Variants in SND1 observed in about 807,000 individuals in gnomAD.
The protein encoded by SND1 is staphylococcal nuclease and tudor domain containing 1.
In SND1, 38 loss-of-function variants were observed where a neutral mutation model predicts 121.7. The observed-to-expected ratio is 0.31, with a 90% CI of 0.24 to 0.41. The LOEUF (loss-of-function observed/expected upper bound fraction) is 0.41, where lower values mean the gene tolerates loss of function less well. SND1 is among the 10% of genes least tolerant of loss of function. The pLI, the probability that SND1 is intolerant of heterozygous loss-of-function variation, is 1.00. For missense variants in SND1, 868 were observed against 1,184.6 expected (o/e 0.73, Z 3.92); for synonymous variants, 401 against 447.4 (o/e 0.90, Z 1.31).
intron 11 of SND1, among the ~76,000 whole-genome samples, chr7:127,815,005 A>G (rs1369060737): frequency 6.6e-6 from 1 of 152,186 alleles, no homozygotes; most frequent in Non-Finnish European, 1.5e-5. Context: ...CTTATGTGAA[A>G]GAAATTATTT....
chr7:128,009,806 C>T (rs1212468748), intron 16 of SND1, among the ~76,000 whole-genome samples: 1 of 150,738 alleles, frequency 6.6e-6, no homozygotes, highest in Non-Finnish European at 1.5e-5. Flanking sequence ...ATCTCTCATG[C>T]TCTTGACACA....
At chr7:127,686,909 G>A (rs1795823437) in intron 2 of SND1, 147 bp downstream of exon 2, 7 of 864,932 alleles carry the variant, frequency 8.1e-6, no homozygotes, top group South Asian at 1.8e-5. Flanking sequence ...GTGCCCACAA[G>A]CAGCTTGTAT....
intron 15 of SND1, among the ~76,000 whole-genome samples, chr7:127,984,237 G>C (rs1369870942): frequency 2.0e-5 from 3 of 152,290 alleles, no homozygotes; most frequent in African/African-American, 7.2e-5. Context: ...TTTCTGCTAT[G>C]CTCCAGCCTC....
chr7:127,727,447 T>C (rs1175603648), intron 10 of SND1, among the ~76,000 whole-genome samples: 1 of 152,186 alleles, frequency 6.6e-6, no homozygotes, highest in Non-Finnish European at 1.5e-5. Flanking sequence ...GCAAAATGAC[T>C]GGTCCCTCTG....
intron 16 of SND1, chr7:128,030,594 G>A (rs1352263294): frequency 1.9e-6 from 3 of 1,596,154 alleles, no homozygotes; most frequent in Non-Finnish European, 2.6e-6. Context: ...GAGCAGGATG[G>A]CATTCCAGGT....
intron 11 of SND1, among the ~76,000 whole-genome samples, chr7:127,842,229 G>A: frequency 6.6e-6 from 1 of 152,104 alleles, no homozygotes; most frequent in South Asian, 2.1e-4. Context: ...TTTAGAAAAG[G>A]GATTCCAGAC....
At chr7:128,066,205 T>C (rs1793311214) in intron 16 of SND1, among the ~76,000 whole-genome samples, 1 of 151,952 alleles carries the variant, frequency 6.6e-6, no homozygotes, top group African/African-American at 2.4e-5. Flanking sequence ...CCCTCATCCC[T>C]GAGGTAGGGA....
At chr7:127,792,213 G>A (rs2116543412) in intron 10 of SND1, among the ~76,000 whole-genome samples, 1 of 152,160 alleles carries the variant, frequency 6.6e-6, no homozygotes, top group Admixed American at 6.5e-5. Context: ...TTTTTTATTG[G>A]ATCTTTTGTG....
At chr7:128,076,806 A>C (rs1367607377) in intron 17 of SND1, among the ~76,000 whole-genome samples, 1 of 152,220 alleles carries the variant, frequency 6.6e-6, no homozygotes, top group African/African-American at 2.4e-5. Flanking sequence ...TTGTGTGTGC[A>C]TGCATTCGTG....
At chr7:127,962,286 A>G (rs528291209) in intron 15 of SND1, among the ~76,000 whole-genome samples, 1 of 152,312 alleles carries the variant, frequency 6.6e-6, no homozygotes, top group Admixed American at 6.5e-5. Flanking sequence ...CTGCAAATCA[A>G]ACAGAGGAGT....
At chr7:128,038,370 G>A (rs1478579633) in intron 16 of SND1, among the ~76,000 whole-genome samples, 2 of 152,188 alleles carry the variant, frequency 1.3e-5, no homozygotes, top group South Asian at 2.1e-4. Flanking sequence ...CTTACATACC[G>A]CGTATATATA....
intron 16 of SND1, among the ~76,000 whole-genome samples, chr7:128,055,419 G>A (rs539968881): frequency 2.3e-4 from 35 of 152,138 alleles, no homozygotes; most frequent in Non-Finnish European, 4.9e-4. Flanking sequence ...CAGCAGGGGA[G>A]GAAGGAAATG....
At chr7:127,782,853 T>C (rs1797747087) in intron 10 of SND1, among the ~76,000 whole-genome samples, 1 of 152,214 alleles carries the variant, frequency 6.6e-6, no homozygotes, top group Non-Finnish European at 1.5e-5. Flanking sequence ...TTTCAACTGC[T>C]GTATGTGTAT....
At chr7:127,671,529 C>G (rs1795517883) in intron 1 of SND1, among the ~76,000 whole-genome samples, 1 of 152,118 alleles carries the variant, frequency 6.6e-6, no homozygotes, top group Non-Finnish European at 1.5e-5. Context: ...TGGAGTCTTG[C>G]TATGTTGCCC....
chr7:127,811,047 T>C (rs1316090265), intron 11 of SND1, among the ~76,000 whole-genome samples: 3 of 152,228 alleles, frequency 2.0e-5, no homozygotes, highest in African/African-American at 7.2e-5. Context: ...TGAAAATATA[T>C]GCCTATTGCT....
chr7:127,869,117 G>A (rs1040341637), intron 12 of SND1, among the ~76,000 whole-genome samples: 7 of 152,180 alleles, frequency 4.6e-5, no homozygotes, highest in Non-Finnish European at 1.0e-4. Context: ...AAATTTTTTA[G>A]TAGGGAAGCC....
chr7:127,820,675 G>T (rs1218111772), intron 11 of SND1, among the ~76,000 whole-genome samples: 5 of 151,714 alleles, frequency 3.3e-5, no homozygotes, highest in African/African-American at 1.2e-4. Flanking sequence ...ATTTTCTTTT[G>T]TCCCTCTCTA....
chr7:127,726,497 A>G (rs975220011), intron 10 of SND1, among the ~76,000 whole-genome samples: 3 of 152,220 alleles, frequency 2.0e-5, no homozygotes, highest in Non-Finnish European at 4.4e-5. Flanking sequence ...GTTGTTTGCT[A>G]TAAAGGAATG....
At chr7:127,708,669 C>G (rs1310444435) in intron 9 of SND1, among the ~76,000 whole-genome samples, 1 of 151,924 alleles carries the variant, frequency 6.6e-6, no homozygotes, top group Admixed American at 6.6e-5. Context: ...AGCTATTATC[C>G]TTGGTGGTAT....
Sources: gnomAD v4.1 joint callset for allele counts (sites outside exome capture counted in the v4.1 genomes callset) on GRCh38, gnomAD v4.1.1 for gene constraint, MANE v1.5 for transcripts, NCBI Gene and HGNC (gene_info 2026-07-23, HGNC 2026-07-21) for gene names.